Variants in C4orf51 observed in about 807,000 individuals in gnomAD.
The protein encoded by C4orf51 is uncharacterized protein C4orf51.
Under a neutral mutation model 25.2 loss-of-function variants are expected in C4orf51, and 25 were observed. The observed-to-expected ratio is 0.99, with a 90% CI of 0.72 to 1.39. The LOEUF is 1.39. Among genes scored for constraint, C4orf51 ranks in the 40% most tolerant of loss-of-function variants. The pLI is 0.00. For synonymous variants in C4orf51, 100 were observed against 84.5 expected (o/e 1.18, Z -1.01); for missense variants, 252 against 239.6 (o/e 1.05, Z -0.34).
intron 1 of C4orf51, among the ~76,000 whole-genome samples, chr4:145,694,504 G>T (rs1335027306): frequency 1.0e-4 from 7 of 67,716 alleles, no homozygotes; most frequent in Non-Finnish European, 1.7e-4. Flanking sequence ...GAGGTGGGGG[G>T]GTCGGCCCCC....
intron 1 of C4orf51, among the ~76,000 whole-genome samples, chr4:145,742,204 C>T (rs1733138602): frequency 6.6e-6 from 1 of 152,208 alleles, no homozygotes; most frequent in African/African-American, 2.4e-5. Context: ...CTCTACTCAT[C>T]CTTCTGTATG....
downstream of C4orf51, among the ~76,000 whole-genome samples, chr4:145,733,323 C>T (rs1290073182): frequency 6.6e-6 from 1 of 150,952 alleles, no homozygotes; most frequent in African/African-American, 2.5e-5. Flanking sequence ...CCTGCTGATT[C>T]CCCCCCACCA....
At position 145,694,607 on chromosome 4, in the gene C4orf51, GC is replaced by G. The variant is rs375142619; in HGVS notation, c.234-1945del. ...GTCCGGGAGGGAGGTGGGGGGGTCAGCCCCCCCGCCTGGCCAGCCGCCCCGT... is the reference window on the plus strand; with the variant it reads ...GTCCGGGAGGGAGGTGGGGGGGTCAGCCCCCCGCCTGGCCAGCCGCCCCGT... On this transcript the variant is annotated intron_variant, in intron 1 of 5. Transcript: ENST00000438731. Among the ~76,000 whole-genome samples, 7 of 12,580 alleles carry G rather than the reference GC, an allele frequency of 5.6e-4. 3 individuals carry two copies. Among genetic ancestry groups the G allele is most frequent in the African/African-American group, 1.4e-3 (1 of 698 alleles). 8.3% of individuals were successfully genotyped at this position (12,580 alleles called of 152,430 possible). A position where few individuals can be genotyped will look rare whatever the true frequency, so the allele number is the denominator to read the frequency against.
the C4orf51 span, among the ~76,000 whole-genome samples, chr4:145,776,745 C>A: frequency 4.6e-5 from 7 of 151,848 alleles, no homozygotes; most frequent in East Asian, 1.2e-3. Context: ...TGGCCTGGGT[C>A]GGCCAAGAAA....
intron 2 of C4orf51, among the ~76,000 whole-genome samples, chr4:145,700,012 T>C (rs1360490706): frequency 1.3e-5 from 2 of 151,934 alleles, no homozygotes; most frequent in Admixed American, 1.3e-4. Context: ...GAACCCCCAA[T>C]CCCTTATTTC....
intron 3 of C4orf51, among the ~76,000 whole-genome samples, chr4:145,727,991 ATATAT>A (rs1399719086): frequency 2.2e-3 from 297 of 132,556 alleles, no homozygotes; most frequent in South Asian, 8.6e-3. Context: ...ATTATATATA[ATATAT>A]TATATATATA....
intron 1 of C4orf51, among the ~76,000 whole-genome samples, chr4:145,744,823 A>G (rs1404782748): frequency 4.0e-5 from 6 of 151,368 alleles, no homozygotes; most frequent in Admixed American, 2.0e-4. Flanking sequence ...ACTGTACTCC[A>G]GCCTGGGCAA....
intron 2 of C4orf51, among the ~76,000 whole-genome samples, chr4:145,716,806 A>G (rs140588331): frequency 1.6e-4 from 24 of 152,262 alleles, no homozygotes; most frequent in African/African-American, 5.5e-4. Context: ...GTAAAATTTG[A>G]CTTTATAAGC....
chr4:145,719,100 G>A (rs1323759412), intron 2 of C4orf51, among the ~76,000 whole-genome samples: 1 of 152,112 alleles, frequency 6.6e-6, no homozygotes, highest in African/African-American at 2.4e-5. Context: ...GAACTTGTCT[G>A]TCTTGTCTTT....
chr4:145,723,409 A>G (rs1447761877), intron 2 of C4orf51, among the ~76,000 whole-genome samples: 1 of 152,096 alleles, frequency 6.6e-6, no homozygotes, highest in African/African-American at 2.4e-5. Context: ...AGTATCCCCA[A>G]CATATTAAAG....
At chr4:145,788,902 A>G in the C4orf51 span, among the ~76,000 whole-genome samples, 4 of 152,190 alleles carry the variant, frequency 2.6e-5, no homozygotes, top group Non-Finnish European at 5.9e-5. Context: ...ATGTTTATTT[A>G]CTCAATGTCT....
At chr4:145,776,417 C>T in the C4orf51 span, among the ~76,000 whole-genome samples, 1 of 150,796 alleles carries the variant, frequency 6.6e-6, no homozygotes, top group Non-Finnish European at 1.5e-5. Flanking sequence ...ACCACAATCA[C>T]ATCACTGCAC....
chr4:145,685,306 A>C (rs1729080039), intron 1 of C4orf51, among the ~76,000 whole-genome samples: 2 of 152,182 alleles, frequency 1.3e-5, no homozygotes, highest in South Asian at 4.1e-4. Context: ...AAAAGCAACA[A>C]TTTTCAAATA....
chr4:145,722,367 G>A (rs1349957860), intron 2 of C4orf51, among the ~76,000 whole-genome samples: 1 of 152,066 alleles, frequency 6.6e-6, no homozygotes, highest in African/African-American at 2.4e-5. Flanking sequence ...TTCTGCATGA[G>A]TCTCCTATGG....
intron 1 of C4orf51, among the ~76,000 whole-genome samples, chr4:145,684,707 G>T (rs1190404321): frequency 6.6e-6 from 1 of 152,088 alleles, no homozygotes; most frequent in East Asian, 1.9e-4. Flanking sequence ...GGGACAGGAG[G>T]TTTATGGGAA....
chr4:145,744,805 A>G (rs1229707741), intron 1 of C4orf51, among the ~76,000 whole-genome samples: 1 of 151,208 alleles, frequency 6.6e-6, no homozygotes, highest in Non-Finnish European at 1.5e-5. Context: ...GTGAGCCAAG[A>G]TAGCGCCACT....
rs773221847 is a variant in C4orf51, at chr4:145,729,897, A to G, written c.433A>G (p.Arg145Gly). 6.2e-7 allele frequency: 1 copy of G among 1,613,686 alleles called. No homozygotes were observed. The highest frequency in any genetic ancestry group is 1.1e-5 in the South Asian group (1 of 91,076). The change falls in exon 5 of 6, where the codon AGA becomes GGA. Residue 145 changes from arginine to glycine, a missense_variant. Transcript: ENST00000438731. The stretch of plus-strand genomic sequence containing the variant: ...TGGCTATCTCTTCACCCTAGGTGTG[A>G]GACCTAAAAAGCCAGCACAGGAGGC... ...TPPNYGKYCV[R>G]PKKPAQEALI...
chr4:145,700,877 G>A (rs1388561757), intron 2 of C4orf51, among the ~76,000 whole-genome samples: 1 of 152,028 alleles, frequency 6.6e-6, no homozygotes, highest in East Asian at 1.9e-4. Flanking sequence ...CCTCACACCT[G>A]GTCCAGCTTA....
intron 1 of C4orf51, among the ~76,000 whole-genome samples, chr4:145,688,411 T>A (rs763937958): frequency 1.5e-4 from 23 of 152,166 alleles, no homozygotes; most frequent in Non-Finnish European, 2.6e-4. Context: ...AAATCTCATA[T>A]CCAATTGTAA....
Sources: gnomAD v4.1 joint callset for allele counts (sites outside exome capture counted in the v4.1 genomes callset) on GRCh38, gnomAD v4.1.1 for gene constraint, MANE v1.5 for transcripts, NCBI Gene and HGNC (gene_info 2026-07-23, HGNC 2026-07-21) for gene names.